Variants in VLDLR observed in about 807,000 individuals in gnomAD.
VLDLR encodes very low-density lipoprotein receptor.
In VLDLR, 81 loss-of-function variants were observed where a neutral mutation model predicts 112.7. The ratio of observed to expected loss-of-function variants is 0.72; its 90% confidence interval spans 0.60 to 0.86. The LOEUF (loss-of-function observed/expected upper bound fraction) is 0.86. Ranked by LOEUF, VLDLR falls within the 40% of genes least tolerant of loss-of-function variation. The probability of loss-of-function intolerance (pLI) is 0.00; values close to 1 mark genes in which losing one functional copy is unlikely to be tolerated. For missense variants in VLDLR, 1,237 were observed against 1,099.4 expected (o/e 1.13, Z -1.77); for synonymous variants, 436 against 384.8 (o/e 1.13, Z -1.56).
intron 1 of VLDLR, among the ~76,000 whole-genome samples, chr9:2,625,103 A>G (rs1253823501): frequency 2.0e-5 from 3 of 152,236 alleles, no homozygotes; most frequent in African/African-American, 7.2e-5. Flanking sequence ...TGCTCAAAAG[A>G]AGTGAAGACC....
intron 2 of VLDLR, among the ~76,000 whole-genome samples, chr9:2,637,708 T>G (rs1335291725): frequency 1.3e-5 from 2 of 152,224 alleles, no homozygotes; most frequent in East Asian, 3.9e-4. Flanking sequence ...TTGGGCGGCC[T>G]AGGCAGGCGA....
chr9:2,640,323 G>A (rs1170112381), intron 3 of VLDLR, among the ~76,000 whole-genome samples: 3 of 152,206 alleles, frequency 2.0e-5, no homozygotes, highest in African/African-American at 7.2e-5. Context: ...TGGAAGCTAA[G>A]TCAAGAAGTG....
chr9:2,652,815 A>G lies in VLDLR; in HGVS notation c.2452A>G (p.Met818Val), dbSNP rs770007000. The change falls in exon 18 of 19, where the codon ATG (methionine) becomes GTG (valine). Residue 818 changes from methionine to valine, a missense_variant. Coordinates refer to ENST00000382100, the MANE Select transcript of VLDLR (RefSeq NM_003383.5). ...GATGGCAGCAGTAGGTGGCTACTTG[A>G]TGTGGCGGAATTGGCAACACAAGAA... is the stretch of plus-strand genomic sequence containing the variant. ...LVMAAVGGYL[M>V]WRNWQHKNMK... 6.2e-7 allele frequency: 1 copy of G among 1,614,060 alleles called. No homozygotes were observed. The highest frequency in any genetic ancestry group is 2.2e-5 in the East Asian group (1 of 44,888).
Position 2,652,928 on chromosome 9 carries a change from T to G in VLDLR, c.2565T>G (p.Ser855=), listed in dbSNP as rs770635848. 1 of 1,614,114 alleles carries G rather than the reference T, an allele frequency of 6.2e-7. No individual in the cohort carries two copies. The highest frequency in any genetic ancestry group is 1.1e-5 in the South Asian group (1 of 91,086). Residue 855 remains serine, a synonymous_variant, in exon 18 of 19, where the codon TCT becomes TCG. Transcript: ENST00000382100. The part of the protein sequence containing the change: ...LSIDIGRHSA[S]VGHTYPAISV... Reference sequence around the variant, plus strand: ...TAGACATTGGTAGACACAGTGCTTCTGTTGGACACACGTACCCAGCAGTAA... The same window carrying G: ...TAGACATTGGTAGACACAGTGCTTCGGTTGGACACACGTACCCAGCAGTAA...
intron 1 of VLDLR, 97 bp downstream of exon 1, chr9:2,622,368 G>A (rs1419678679): frequency 8.8e-7 from 1 of 1,133,558 alleles, no homozygotes; most frequent in East Asian, 3.2e-5. Flanking sequence ...CCGCCTCCTA[G>A]GAGGCGCCTC....
At position 2,648,718 on chromosome 9, in the gene VLDLR, A is replaced by G. The variant is rs752414494; in HGVS notation, c.2012A>G (p.Asn671Ser). Residue 671 changes from asparagine to serine, a missense_variant, in exon 14 of 19, where the codon AAT becomes AGT. Coordinates refer to ENST00000382100, the MANE Select transcript of VLDLR (RefSeq NM_003383.5). Reference protein sequence around the residue: ...DGENEAVYGANKFTGSELATL... With the variant: ...DGENEAVYGASKFTGSELATL... ...GAAAATGAAGCAGTCTATGGTGCCA[A>G]TAAATTCACTGGATCAGAGCTAGCC... The G allele has an allele frequency of 5.9e-5, 96 of 1,614,080 alleles. No individual in the cohort carries two copies. The highest frequency in any genetic ancestry group is 1.1e-4 in the South Asian group (10 of 91,086).
Position 2,646,454 on chromosome 9 carries a change from G to C in VLDLR, c.1605G>C (p.Lys535Asn). ...TCTACTGGACTGATGCGGCTTCTAA[G>C]ACTATTTCAGTAGCTACCCTAGATG... Reference protein sequence around the residue: ...KTIYWTDAASKTISVATLDGT... With the variant: ...KTIYWTDAASNTISVATLDGT... Residue 535 changes from lysine to asparagine, a missense_variant, in exon 11 of 19, where the codon AAG (lysine) becomes AAC (asparagine). By Grantham distance (94) the Lys-to-Asn change is moderately conservative. Transcript: ENST00000382100. 1 of 1,614,136 alleles carries C rather than the reference G, an allele frequency of 6.2e-7. No homozygotes were observed. Among genetic ancestry groups the C allele is most frequent in the African/African-American group, 1.3e-5 (1 of 75,044 alleles).
At chr9:2,624,116 A>C (rs1816971588) in intron 1 of VLDLR, among the ~76,000 whole-genome samples, 1 of 152,212 alleles carries the variant, frequency 6.6e-6, no homozygotes. Context: ...TACTGACATG[A>C]GTTAGTCAAA....
At position 2,648,209 on chromosome 9, in the gene VLDLR, C is replaced by A; in HGVS notation, c.1824C>A (p.Asp608Glu). The change falls in exon 13 of 19, where the codon GAC (aspartate) becomes GAA (glutamate). Residue 608 changes from aspartate (D) to glutamate (E), a missense_variant and splice_region_variant. Coordinates refer to ENST00000382100, the MANE Select transcript of VLDLR (RefSeq NM_003383.5). ...AATGACAATTCTTTTCCTACCTAGA[C>A]CTTATAAAAAGTCGCCTCTATTGGC... is the stretch of plus-strand genomic sequence containing the variant. The part of the protein sequence containing the change: ...DIQWPNGITL[D>E]LIKSRLYWLD... The A allele has an allele frequency of 6.2e-7, 1 of 1,614,110 alleles. No individual in the cohort carries two copies. Among genetic ancestry groups the A allele is most frequent in the Non-Finnish European group, 8.5e-7 (1 of 1,180,016 alleles).
Position 2,643,422 on chromosome 9 carries a change from C to G in VLDLR, c.711C>G (p.Thr237=), listed in dbSNP as rs781637501. ...GTGGCCGTCAGCCAGTCATACACAC[C>G]AAGTGTCCAGCCAGCGAAATCCAGT... ...EQCGRQPVIH[T]KCPASEIQCG... The change falls in exon 5 of 19, where the codon ACC becomes ACG. Residue 237 remains threonine (T), a synonymous_variant. Transcript: ENST00000382100. 1 of 1,614,152 alleles carries G rather than the reference C, an allele frequency of 6.2e-7. No homozygotes were observed. The highest frequency in any genetic ancestry group is 1.3e-5 in the African/African-American group (1 of 75,030).
chr9:2,623,267 G>T (rs917181058), intron 1 of VLDLR, among the ~76,000 whole-genome samples: 1 of 152,210 alleles, frequency 6.6e-6, no homozygotes, highest in Non-Finnish European at 1.5e-5. Flanking sequence ...TTCCCACTTG[G>T]GGCCTCGTAA....
chr9:2,648,557 G>A lies in VLDLR; in HGVS notation c.1963-112G>A, dbSNP rs1208804850. The A allele has an allele frequency of 4.4e-5, 69 of 1,569,144 alleles. 1 individual carries two copies. The Admixed American group carries it at 7.8e-4, about 18-fold the overall frequency. On this transcript the variant is annotated intron_variant, in intron 13 of 18. Transcript: ENST00000382100. Reference sequence around the variant, plus strand: ...TTACAGTTTTATATCCAGTGTCCCAGTTCAGCATTCAGTAAACTTAGTCCA... The same window carrying A: ...TTACAGTTTTATATCCAGTGTCCCAATTCAGCATTCAGTAAACTTAGTCCA...
chr9:2,644,830 TGATA>T lies in VLDLR; in HGVS notation c.1169_1172del (p.Asp390GlyfsTer23). 6.2e-7 allele frequency: 1 copy of T among 1,614,184 alleles called. No homozygotes were observed. The highest frequency in any genetic ancestry group is 2.2e-5 in the East Asian group (1 of 44,880). On this transcript the variant is annotated frameshift_variant, in exon 8 of 19. Coordinates refer to ENST00000382100, the MANE Select transcript of VLDLR (RefSeq NM_003383.5). LOFTEE classifies it high-confidence loss of function. ...TGTGACTGTGCAGCTGGGTTTGAAC[TGATA>T]GATAGGAAAACCTGTGGAGGTGAGT...
At chr9:2,639,778 A>G in intron 2 of VLDLR, 81 bp from the exon 3 acceptor site, 1 of 1,610,372 alleles carries the variant, frequency 6.2e-7, no homozygotes, top group Non-Finnish European at 8.5e-7. Flanking sequence ...AAACATGCCA[A>G]AATGCAGTAT....
intron 1 of VLDLR, among the ~76,000 whole-genome samples, chr9:2,634,542 C>G (rs143331707): frequency 1.3e-5 from 2 of 152,178 alleles, no homozygotes; most frequent in African/African-American, 4.8e-5. Flanking sequence ...TGGCCTGTGC[C>G]GGGCAAAACA....
At chr9:2,639,604 C>T (rs1056903969) in intron 2 of VLDLR, among the ~76,000 whole-genome samples, 9 of 152,124 alleles carry the variant, frequency 5.9e-5, no homozygotes, top group East Asian at 1.9e-4. Context: ...AAGGTATCTC[C>T]GAGTTGTAAG....
chr9:2,644,905 T>C (rs919137266), intron 8 of VLDLR, 52 bp downstream of exon 8: 4 of 1,614,116 alleles, frequency 2.5e-6, no homozygotes, highest in Non-Finnish European at 3.4e-6. Context: ...AAGGATAGTA[T>C]GTACCTAGTA....
At position 2,657,546 on chromosome 9, in the gene VLDLR, T is replaced by C. The variant is rs1384519811; in HGVS notation, c.*3678T>C. On this transcript the variant is annotated 3_prime_UTR_variant, in exon 19 of 19. Coordinates refer to ENST00000382100, the MANE Select transcript of VLDLR (RefSeq NM_003383.5). ...TCCCTTATTGTGGGTGATGAGGCGG[T>C]GCCTAAAAACCACATATATATAATC... 6.6e-6 allele frequency: 1 copy of C among 151,074 alleles called. No homozygotes were observed. The allele number at this position is 151,074 out of a possible 1,614,324, so 9.4% of individuals were successfully genotyped here.
chr9:2,627,969 A>G (rs1488708249), intron 1 of VLDLR, among the ~76,000 whole-genome samples: 3 of 152,168 alleles, frequency 2.0e-5, no homozygotes, highest in South Asian at 2.1e-4. Context: ...TATTCTAGCT[A>G]GTAAAACAAC....
Sources: gnomAD v4.1 joint callset for allele counts (sites outside exome capture counted in the v4.1 genomes callset) on GRCh38, gnomAD v4.1.1 for gene constraint, MANE v1.5 for transcripts, NCBI Gene and HGNC (gene_info 2026-07-23, HGNC 2026-07-21) for gene names.